The following SOX5 variants were observed in gnomAD, a reference collection of about 807,000 sequenced individuals.
SOX5 encodes SRY-box transcription factor 5, also known as transcription factor SOX-5.
In SOX5, 9 loss-of-function variants were observed where a neutral mutation model predicts 92.0. That is an observed-to-expected ratio of 0.10 (90% CI 0.06 to 0.17). SOX5 has a LOEUF of 0.17. Among genes scored for constraint, SOX5 ranks in the 10% least tolerant of loss-of-function variants. The pLI, the probability that SOX5 is intolerant of heterozygous loss-of-function variation, is 1.00. For missense variants in SOX5, 642 were observed against 944.5 expected (o/e 0.68, Z 4.20); for synonymous variants, 344 against 336.3 (o/e 1.02, Z -0.25).
chr12:24,550,555 C>T (rs1311195022), intron 1 of SOX5, among the ~76,000 whole-genome samples: 1 of 152,190 alleles, frequency 6.6e-6, no homozygotes, highest in Non-Finnish European at 1.5e-5. Flanking sequence ...ATCCTAGATA[C>T]TAACCTCCAT....
intron 3 of SOX5, among the ~76,000 whole-genome samples, chr12:23,775,771 C>T (rs1328140934): frequency 6.6e-6 from 1 of 152,170 alleles, no homozygotes; most frequent in East Asian, 1.9e-4. Flanking sequence ...TCTATTTGCA[C>T]TTTTAGGGCA....
At chr12:24,413,108 TTATC>T (rs1566103464) in intron 1 of SOX5, among the ~76,000 whole-genome samples, 1 of 152,226 alleles carries the variant, frequency 6.6e-6, no homozygotes, top group Non-Finnish European at 1.5e-5. Flanking sequence ...TCTTTGCTGA[TTATC>T]TGTCTAGTTT....
chr12:23,970,841 A>ATATATATTTTTTTT, intron 4 of SOX5, among the ~76,000 whole-genome samples: 3 of 21,878 alleles, frequency 1.4e-4, no homozygotes, highest in East Asian at 8.6e-4. Context: ...TATATATATA[A>ATATATATTTTTTTT]TTTTTTTTTT....
At chr12:24,379,868 A>G (rs928325542) in intron 1 of SOX5, among the ~76,000 whole-genome samples, 5 of 106,394 alleles carry the variant, frequency 4.7e-5, no homozygotes, top group African/African-American at 1.8e-4. Context: ...TACACCTTCC[A>G]GAAGATTCTT....
intron 4 of SOX5, among the ~76,000 whole-genome samples, chr12:24,090,440 G>A (rs1024982386): frequency 7.2e-5 from 11 of 151,830 alleles, no homozygotes; most frequent in African/African-American, 2.7e-4. Context: ...ATCATCCCAA[G>A]AGCTCAAAGA....
At position 23,734,741 on chromosome 12, in the gene SOX5, C is replaced by T; in HGVS notation, c.753G>A (p.Gln251=). ...GTTGTTGCTGTAGAAGCTGCTGCTG[C>T]TGTCTTGCAATCTGTGAAGAAATTG... ...AKQQQEQIAR[Q]QQQLLQQQHK... Residue 251 remains glutamine (Q), a synonymous_variant, in exon 6 of 15, where the codon CAG becomes CAA. Coordinates refer to ENST00000451604, the MANE Select transcript of SOX5 (RefSeq NM_006940.6). 6.2e-7 allele frequency: 1 copy of T among 1,612,884 alleles called. No individual in the cohort carries two copies. Among genetic ancestry groups the T allele is most frequent in the South Asian group, 1.1e-5 (1 of 90,964 alleles).
chr12:23,908,926 T>C (rs1453404350), intron 1 of SOX5, among the ~76,000 whole-genome samples: 1 of 152,178 alleles, frequency 6.6e-6, no homozygotes, highest in Non-Finnish European at 1.5e-5. Flanking sequence ...GTTTATCTTC[T>C]TTCCCCATTA....
intron 1 of SOX5, among the ~76,000 whole-genome samples, chr12:24,441,804 T>C (rs1306271702): frequency 6.6e-6 from 1 of 152,198 alleles, no homozygotes; most frequent in Non-Finnish European, 1.5e-5. Context: ...TGCGGTTTCA[T>C]GGAGAGATAC....
intron 4 of SOX5, among the ~76,000 whole-genome samples, chr12:24,144,858 A>G (rs1172876910): frequency 2.6e-5 from 4 of 152,086 alleles, no homozygotes; most frequent in African/African-American, 9.7e-5. Context: ...CACAAAGGCT[A>G]CAAGGGGAAA....
intron 4 of SOX5, among the ~76,000 whole-genome samples, chr12:23,749,763 T>C (rs1021889020): frequency 2.0e-5 from 3 of 151,926 alleles, no homozygotes; most frequent in Admixed American, 2.0e-4. Flanking sequence ...GTACTTGAAA[T>C]ATAAAAACCA....
intron 9 of SOX5, 103 bp downstream of exon 9, chr12:23,604,284 C>T: frequency 7.9e-7 from 1 of 1,266,748 alleles, no homozygotes; most frequent in Admixed American, 1.8e-5. Flanking sequence ...CCTTGTACAC[C>T]CAGAGTTTAA....
intron 4 of SOX5, among the ~76,000 whole-genome samples, chr12:24,157,024 T>A (rs1952248249): frequency 6.6e-6 from 1 of 152,134 alleles, no homozygotes; most frequent in African/African-American, 2.4e-5. Context: ...CATTTAGTAC[T>A]TCTCTTTGAT....
chr12:23,976,311 G>A lies in SOX5; in HGVS notation c.-1-80287C>T, dbSNP rs547385413. Among the ~76,000 whole-genome samples, 9 of 148,094 alleles carry A rather than the reference G, an allele frequency of 6.1e-5. No individual in the cohort carries two copies. The South Asian group carries it at 1.3e-3, about 21-fold the overall frequency. On this transcript the variant is annotated intron_variant, in intron 4 of 4. Coordinates refer to the SOX5 transcript ENST00000446891. ...AAATTCTTGGAGAAATGGATGTGCA[G>A]TCCCGTAAAAGACCTTCAGTTTCTT...
At chr12:23,608,658 T>C (rs920987432) in intron 8 of SOX5, among the ~76,000 whole-genome samples, 3 of 152,268 alleles carry the variant, frequency 2.0e-5, no homozygotes, top group African/African-American at 7.2e-5. Context: ...CCATGTGACC[T>C]TGGGCAACTT....
At chr12:23,804,334 C>A (rs1337789351) in intron 3 of SOX5, among the ~76,000 whole-genome samples, 1 of 152,086 alleles carries the variant, frequency 6.6e-6, no homozygotes, top group African/African-American at 2.4e-5. Flanking sequence ...AGATCCATAT[C>A]TATAACAGCA....
At chr12:24,114,231 A>G (rs1241951516) in intron 4 of SOX5, among the ~76,000 whole-genome samples, 1 of 152,202 alleles carries the variant, frequency 6.6e-6, no homozygotes, top group Non-Finnish European at 1.5e-5. Context: ...TCCTGGGAGA[A>G]GCAGAATGCA....
intron 3 of SOX5, among the ~76,000 whole-genome samples, chr12:23,786,747 T>A (rs2141880950): frequency 6.9e-6 from 1 of 145,972 alleles, no homozygotes; most frequent in East Asian, 2.0e-4. Flanking sequence ...TGTCTCTGAA[T>A]TTTTATTAAT....
intron 4 of SOX5, among the ~76,000 whole-genome samples, chr12:24,011,284 TAC>T (rs1020137300): frequency 6.6e-6 from 1 of 152,150 alleles, no homozygotes; most frequent in East Asian, 1.9e-4. Context: ...TACACACTCA[TAC>T]ACACACACTC....
At chr12:23,852,734 C>T (rs1040131866) in intron 2 of SOX5, among the ~76,000 whole-genome samples, 1 of 152,102 alleles carries the variant, frequency 6.6e-6, no homozygotes, top group Non-Finnish European at 1.5e-5. Context: ...TTTTTATAAA[C>T]ATGATTCGCA....
Sources: allele counts gnomAD v4.1 joint callset (sites outside exome capture counted in the v4.1 genomes callset), GRCh38; gene constraint gnomAD v4.1.1; transcripts MANE v1.5; gene names NCBI Gene and HGNC (gene_info 2026-07-23, HGNC 2026-07-21).